RALYL: variants seen among roughly 807,000 people sequenced by gnomAD.
The protein encoded by RALYL is RNA-binding Raly-like protein.
Under a neutral mutation model 35.1 loss-of-function variants are expected in RALYL, and 29 were observed. That is an observed-to-expected ratio of 0.83 (90% CI 0.61 to 1.13). The LOEUF is 1.13. Among genes scored for constraint, RALYL ranks in the 50% most tolerant of loss-of-function variants. RALYL has a pLI of 0.00. For synonymous variants in RALYL, 120 were observed against 127.6 expected (o/e 0.94, Z 0.40); for missense variants, 359 against 360.4 (o/e 1.00, Z 0.03).
Position 84,237,615 on chromosome 8 carries a change from C to G in RALYL, c.-24+53191C>G, listed in dbSNP as rs897122969. On this transcript the variant is annotated intron_variant, in intron 1 of 8. Transcript: ENST00000521268. ...TTCAAATTCTTCTTTCCTAGACAGACCAATTTTCTTGTTATTGAAGAAAAC... is the reference window on the plus strand; with the variant it reads ...TTCAAATTCTTCTTTCCTAGACAGAGCAATTTTCTTGTTATTGAAGAAAAC... 4.6e-5 allele frequency among the ~76,000 whole-genome samples: 7 copies of G among 152,084 alleles called. No homozygotes were observed. The South Asian group carries it at 1.5e-3, about 32-fold the overall frequency.
At chr8:84,416,515 C>T (rs2044719471) in intron 1 of RALYL, among the ~76,000 whole-genome samples, 1 of 151,770 alleles carries the variant, frequency 6.6e-6, no homozygotes, top group African/African-American at 2.4e-5. Context: ...TTTCAAGGAA[C>T]TGAAAGAAAA....
At chr8:84,761,573 A>G (rs1464042032) in intron 2 of RALYL, among the ~76,000 whole-genome samples, 2 of 152,116 alleles carry the variant, frequency 1.3e-5, no homozygotes, top group Non-Finnish European at 2.9e-5. Context: ...CCACATAGAT[A>G]CTAAATTGCA....
At chr8:84,234,752 A>C (rs2131477451) in intron 1 of RALYL, among the ~76,000 whole-genome samples, 1 of 148,806 alleles carries the variant, frequency 6.7e-6, no homozygotes, top group African/African-American at 2.6e-5. Flanking sequence ...AAATTGCAAA[A>C]TTTTATTTAT....
intron 1 of RALYL, among the ~76,000 whole-genome samples, chr8:84,484,518 C>T (rs910668935): frequency 6.6e-6 from 1 of 151,986 alleles, no homozygotes; most frequent in African/African-American, 2.4e-5. Flanking sequence ...TGTGAAATGT[C>T]AGGGTGTGTG....
At chr8:84,701,288 T>A (rs1840145873) in intron 2 of RALYL, among the ~76,000 whole-genome samples, 1 of 152,200 alleles carries the variant, frequency 6.6e-6, no homozygotes, top group African/African-American at 2.4e-5. Context: ...ATATACCTCA[T>A]CTTCCTTCAG....
intron 2 of RALYL, among the ~76,000 whole-genome samples, chr8:84,711,840 T>A (rs1405253155): frequency 6.6e-6 from 1 of 152,192 alleles, no homozygotes; most frequent in East Asian, 1.9e-4. Flanking sequence ...TAAAAATGGA[T>A]TATTTAAAAC....
At chr8:84,597,647 T>C (rs1814890302) in intron 2 of RALYL, among the ~76,000 whole-genome samples, 1 of 152,136 alleles carries the variant, frequency 6.6e-6, no homozygotes, top group African/African-American at 2.4e-5. Context: ...GTATGGTCCA[T>C]AAACCCCCAA....
chr8:84,744,446 G>A (rs1018857853), intron 2 of RALYL, among the ~76,000 whole-genome samples: 2 of 151,954 alleles, frequency 1.3e-5, no homozygotes, highest in African/African-American at 4.8e-5. Context: ...AGGTCCCATT[G>A]AAGCAAAGCA....
chr8:84,651,368 A>G (rs971949518), intron 2 of RALYL, among the ~76,000 whole-genome samples: 6 of 151,948 alleles, frequency 3.9e-5, no homozygotes, highest in African/African-American at 1.4e-4. Context: ...CTTGTATGGA[A>G]CCACAATATT....
intron 1 of RALYL, among the ~76,000 whole-genome samples, chr8:84,254,715 A>G (rs1227672735): frequency 1.3e-5 from 2 of 150,522 alleles, no homozygotes; most frequent in Non-Finnish European, 2.9e-5. Flanking sequence ...TCACACTGCT[A>G]TAAAGAACTA....
chr8:84,255,394 T>C (rs962325405), intron 1 of RALYL, among the ~76,000 whole-genome samples: 3 of 152,160 alleles, frequency 2.0e-5, no homozygotes, highest in Non-Finnish European at 4.4e-5. Flanking sequence ...TTAAAAGATA[T>C]ATTGAATTTA....
At chr8:84,425,151 C>G (rs554816726) in intron 1 of RALYL, among the ~76,000 whole-genome samples, 7 of 152,164 alleles carry the variant, frequency 4.6e-5, no homozygotes, top group African/African-American at 7.2e-5. Context: ...CCCCCAGCCT[C>G]GCTGCTACCT....
At chr8:84,285,061 T>C (rs573810815) in intron 1 of RALYL, among the ~76,000 whole-genome samples, 6 of 152,190 alleles carry the variant, frequency 3.9e-5, no homozygotes, top group African/African-American at 1.4e-4. Flanking sequence ...AGAATTATGA[T>C]TGTATATGAT....
chr8:84,325,982 C>T (rs1233142608), intron 1 of RALYL, among the ~76,000 whole-genome samples: 1 of 152,088 alleles, frequency 6.6e-6, no homozygotes, highest in Non-Finnish European at 1.5e-5. Flanking sequence ...TGTGGTGGCC[C>T]ATGCCTGTGG....
At chr8:84,213,650 A>G (rs939013607) in intron 1 of RALYL, among the ~76,000 whole-genome samples, 6 of 152,228 alleles carry the variant, frequency 3.9e-5, no homozygotes, top group African/African-American at 1.4e-4. Context: ...CAACACTAAC[A>G]CAAAATACAT....
At chr8:84,822,719 A>C (rs1828805530) in intron 4 of RALYL, among the ~76,000 whole-genome samples, 1 of 152,172 alleles carries the variant, frequency 6.6e-6, no homozygotes, top group Non-Finnish European at 1.5e-5. Context: ...TTTAGACTTA[A>C]CTAACAATAT....
At chr8:84,274,335 A>G (rs1236894003) in intron 1 of RALYL, among the ~76,000 whole-genome samples, 1 of 152,092 alleles carries the variant, frequency 6.6e-6, no homozygotes, top group Non-Finnish European at 1.5e-5. Flanking sequence ...AATGACTTTT[A>G]TTAAACACAA....
intron 1 of RALYL, among the ~76,000 whole-genome samples, chr8:84,520,011 C>T (rs551226096): frequency 6.6e-6 from 1 of 152,348 alleles, no homozygotes; most frequent in South Asian, 2.1e-4. Context: ...TAGCACCAGT[C>T]ACAACATCAC....
At chr8:84,840,771 G>A (rs968208231) in intron 4 of RALYL, among the ~76,000 whole-genome samples, 8 of 152,274 alleles carry the variant, frequency 5.3e-5, no homozygotes, top group South Asian at 2.1e-4. Flanking sequence ...CTGATCTCTC[G>A]GCAGAAACTC....
Sources: allele counts gnomAD v4.1 joint callset (sites outside exome capture counted in the v4.1 genomes callset), GRCh38; gene constraint gnomAD v4.1.1; transcripts MANE v1.5; gene names NCBI Gene and HGNC (gene_info 2026-07-23, HGNC 2026-07-21).